The following CAST variants were observed in gnomAD, a reference collection of about 807,000 sequenced individuals.
CAST encodes the protein calpastatin.
In CAST, 76 loss-of-function variants were observed where a neutral mutation model predicts 119.6. The ratio of observed to expected loss-of-function variants is 0.64; its 90% CI spans 0.53 to 0.77. The LOEUF (loss-of-function observed/expected upper bound fraction) is 0.77, where lower values mean the gene tolerates loss of function less well. Among genes scored for constraint, CAST ranks in the 30% least tolerant of loss-of-function variants. The pLI is 0.00. For synonymous variants in CAST, 319 were observed against 331.6 expected (o/e 0.96, Z 0.41); for missense variants, 953 against 946.5 (o/e 1.01, Z -0.09).
the CAST span, among the ~76,000 whole-genome samples, chr5:96,270,726 A>C: frequency 6.6e-6 from 1 of 152,106 alleles, no homozygotes; most frequent in Non-Finnish European, 1.5e-5. Flanking sequence ...GGTTGGGGGA[A>C]GGAGAGCATC....
the CAST span, among the ~76,000 whole-genome samples, chr5:96,134,894 G>A: frequency 8.2e-3 from 1,252 of 152,250 alleles, 20 homozygotes; most frequent in African/African-American, 0.029. Context: ...TGGTAAGTGG[G>A]GACAACTTTG....
chr5:96,393,402 A>G, the CAST span: 1 of 1,612,856 alleles, frequency 6.2e-7, no homozygotes, highest in South Asian at 1.1e-5. Flanking sequence ...TGCCATCCAC[A>G]AAGGGAAGAA....
the CAST span, among the ~76,000 whole-genome samples, chr5:96,495,067 G>A: frequency 1.3e-5 from 2 of 148,440 alleles, no homozygotes; most frequent in Non-Finnish European, 3.0e-5. Context: ...GTACTGAGCC[G>A]AGATCGGAGA....
In CAST at chr5:96,570,872, T is replaced by G. The variant is rs763701783; in HGVS notation, c.60+40992T>G. ...AATAATTTCCTGGGTAAGTGGAGGGTGAATGCTGTCACAGACCAAGCAATC... is the reference window on the plus strand; with the variant it reads ...AATAATTTCCTGGGTAAGTGGAGGGGGAATGCTGTCACAGACCAAGCAATC... On this transcript the variant is annotated intron_variant, in intron 1 of 11. Coordinates refer to the CAST transcript ENST00000505143. 2.3e-4 allele frequency among the ~76,000 whole-genome samples: 35 copies of G among 152,122 alleles called. 1 individual carries two copies. The highest frequency in any genetic ancestry group is 4.1e-4 in the South Asian group (2 of 4,824).
the CAST span, among the ~76,000 whole-genome samples, chr5:96,502,300 G>T: frequency 6.6e-6 from 1 of 152,032 alleles, no homozygotes; most frequent in Non-Finnish European, 1.5e-5. Context: ...ATTGTCATTT[G>T]TTTTTCTCTG....
the CAST span, among the ~76,000 whole-genome samples, chr5:96,249,528 A>G: frequency 6.6e-6 from 1 of 152,254 alleles, no homozygotes; most frequent in Non-Finnish European, 1.5e-5. Context: ...ACAAGTATCT[A>G]TAACGACCAC....
chr5:96,097,644 C>T, the CAST span, among the ~76,000 whole-genome samples: 77 of 152,304 alleles, frequency 5.1e-4, 1 homozygote, highest in Non-Finnish European at 1.0e-3. Flanking sequence ...ATCCATGTCC[C>T]TGCACAGGGC....
the CAST span, among the ~76,000 whole-genome samples, chr5:96,073,116 C>A: frequency 6.6e-6 from 1 of 152,342 alleles, no homozygotes; most frequent in East Asian, 1.9e-4. Context: ...AGTCTGTTAT[C>A]CCTTTGATGC....
the CAST span, among the ~76,000 whole-genome samples, chr5:96,465,824 A>G: frequency 6.6e-6 from 1 of 152,072 alleles, no homozygotes; most frequent in Non-Finnish European, 1.5e-5. Flanking sequence ...TTATTACTGG[A>G]TTCTCATTGG....
At chr5:96,345,328 A>G in the CAST span, among the ~76,000 whole-genome samples, 1 of 151,770 alleles carries the variant, frequency 6.6e-6, no homozygotes, top group African/African-American at 2.4e-5. Context: ...TGCTTAATAC[A>G]TGTGTTGGAT....
the CAST span, among the ~76,000 whole-genome samples, chr5:96,025,106 A>G: frequency 1.3e-5 from 2 of 152,178 alleles, no homozygotes; most frequent in Non-Finnish European, 2.9e-5. Context: ...AACTGACCGA[A>G]TTTAACAAAC....
At chr5:96,307,569 T>A in the CAST span, among the ~76,000 whole-genome samples, 1 of 152,236 alleles carries the variant, frequency 6.6e-6, no homozygotes, top group African/African-American at 2.4e-5. Flanking sequence ...CAATTTGGCA[T>A]GTTTGTGCAG....
the CAST span, among the ~76,000 whole-genome samples, chr5:96,376,380 A>G: frequency 6.6e-6 from 1 of 152,186 alleles, no homozygotes; most frequent in Admixed American, 6.5e-5. Context: ...ATGATAATAA[A>G]CAACTATGTT....
chr5:96,424,123 G>T, the CAST span, among the ~76,000 whole-genome samples: 1 of 152,202 alleles, frequency 6.6e-6, no homozygotes, highest in Non-Finnish European at 1.5e-5. Context: ...ACAGATATAA[G>T]CACATTTCTA....
At chr5:96,241,050 A>G in the CAST span, among the ~76,000 whole-genome samples, 1 of 152,082 alleles carries the variant, frequency 6.6e-6, no homozygotes, top group South Asian at 2.1e-4. Flanking sequence ...ATTTATCTGG[A>G]AGAATTTTTT....
intron 9 of CAST, 137 bp downstream of exon 9, chr5:96,730,997 A>G (rs1426035482): frequency 1.5e-6 from 1 of 661,410 alleles, no homozygotes; most frequent in Non-Finnish European, 2.7e-6. Context: ...AAGAGCATGC[A>G]TTTAAGGGAT....
At chr5:96,659,927 G>A (rs1055362380), upstream of CAST, among the ~76,000 whole-genome samples, 1 of 152,178 alleles carries the variant, frequency 6.6e-6, no homozygotes, top group African/African-American at 2.4e-5. Context: ...AAACATCAGG[G>A]TCTTCAGCTT....
chr5:96,607,399 T>C (rs1390138339), intron 1 of CAST, among the ~76,000 whole-genome samples: 1 of 152,264 alleles, frequency 6.6e-6, no homozygotes, highest in Non-Finnish European at 1.5e-5. Flanking sequence ...CATTCACTGC[T>C]GTGTCATGTT....
the CAST span, among the ~76,000 whole-genome samples, chr5:96,089,898 T>C: frequency 6.6e-6 from 1 of 152,240 alleles, no homozygotes; most frequent in South Asian, 2.1e-4. Context: ...GTATTTCTTC[T>C]TATTTCTTGC....
Sources: gnomAD v4.1 joint callset for allele counts (sites outside exome capture counted in the v4.1 genomes callset) on GRCh38, gnomAD v4.1.1 for gene constraint, MANE v1.5 for transcripts, NCBI Gene and HGNC (gene_info 2026-07-23, HGNC 2026-07-21) for gene names.